The following SGCD variants were observed in gnomAD, a reference collection of about 807,000 sequenced individuals.
SGCD encodes sarcoglycan delta, also known as delta-sarcoglycan.
Under a neutral mutation model 36.6 loss-of-function variants are expected in SGCD, and 18 were observed. The observed-to-expected ratio is 0.49, with a 90% CI of 0.34 to 0.73. SGCD has a LOEUF of 0.73. Among genes scored for constraint, SGCD ranks in the 30% least tolerant of loss-of-function variants. The pLI, the probability that SGCD is intolerant of heterozygous loss-of-function variation, is 0.01. For synonymous variants in SGCD, 133 were observed against 130.6 expected (o/e 1.02, Z -0.12); for missense variants, 387 against 346.7 (o/e 1.12, Z -0.92).
At chr5:156,323,358 T>C (rs7737367), upstream of SGCD, among the ~76,000 whole-genome samples, 122,536 of 152,160 alleles carry the variant, frequency 0.81, 49,977 homozygotes, top group African/African-American at 0.94. Context: ...AAAAAGCCAA[T>C]CAGGTGACAA....
At chr5:155,886,343 T>A (rs1300309286) in intron 1 of SGCD, among the ~76,000 whole-genome samples, 1 of 152,026 alleles carries the variant, frequency 6.6e-6, no homozygotes, top group African/African-American at 2.4e-5. Context: ...CTCAAAATGG[T>A]GTGATCAGCT....
chr5:156,725,322 G>C (rs1002855317), intron 7 of SGCD, among the ~76,000 whole-genome samples: 2 of 152,186 alleles, frequency 1.3e-5, no homozygotes, highest in African/African-American at 4.8e-5. Context: ...AGGAAGGTTG[G>C]GCCAGGGCCT....
intron 3 of SGCD, among the ~76,000 whole-genome samples, chr5:156,126,775 A>G (rs1238576308): frequency 6.6e-6 from 1 of 152,240 alleles, no homozygotes; most frequent in African/African-American, 2.4e-5. Flanking sequence ...AAGCTCCTGT[A>G]TGAACATTAG....
At chr5:156,025,464 A>C (rs910886761) in intron 1 of SGCD, among the ~76,000 whole-genome samples, 1 of 152,216 alleles carries the variant, frequency 6.6e-6, no homozygotes, top group Non-Finnish European at 1.5e-5. Flanking sequence ...TGTTTGCCAG[A>C]CTTTGTTGGA....
intron 1 of SGCD, among the ~76,000 whole-genome samples, chr5:155,900,848 C>T (rs1298788193): frequency 6.6e-6 from 1 of 151,620 alleles, no homozygotes. Context: ...AATAAAAAAA[C>T]AACATAATAT....
Position 156,521,140 on chromosome 5 carries a change from G to A in SGCD, c.294+12438G>A, listed in dbSNP as rs181043154. 2.6e-5 allele frequency among the ~76,000 whole-genome samples: 4 copies of A among 152,076 alleles called. No individual in the cohort carries two copies. In the East Asian group the frequency reaches 5.8e-4, roughly 22 times the overall value. On this transcript the variant is annotated intron_variant, in intron 4 of 8. Transcript: ENST00000337851. The stretch of plus-strand genomic sequence containing the variant: ...TAATAAAACGGGAGCTGACAGAACT[G>A]GCTAGCCATATGCAGAAAATTGAAA...
chr5:156,447,063 C>T (rs78724643), intron 3 of SGCD, among the ~76,000 whole-genome samples: 2,096 of 152,244 alleles, frequency 0.014, 22 homozygotes, highest in Non-Finnish European at 0.023. Flanking sequence ...CAGATCTAGA[C>T]AGGATTCTAA....
the SGCD span, among the ~76,000 whole-genome samples, chr5:155,808,523 T>C: frequency 2.6e-5 from 4 of 152,226 alleles, no homozygotes; most frequent in Non-Finnish European, 5.9e-5. Flanking sequence ...CTCTGTCCCG[T>C]ATTTTTTCCC....
At chr5:155,928,430 G>A (rs996825375) in intron 1 of SGCD, among the ~76,000 whole-genome samples, 1 of 152,054 alleles carries the variant, frequency 6.6e-6, no homozygotes, top group Non-Finnish European at 1.5e-5. Context: ...CACTTTGGGA[G>A]GCCAGGGTGG....
chr5:156,119,911 A>G (rs141970287), intron 2 of SGCD, among the ~76,000 whole-genome samples: 4 of 152,280 alleles, frequency 2.6e-5, no homozygotes, highest in Admixed American at 1.3e-4. Flanking sequence ...AGATTCCCTG[A>G]AGCGTTCAAG....
intron 7 of SGCD, among the ~76,000 whole-genome samples, chr5:156,728,177 T>C (rs992321425): frequency 2.6e-5 from 4 of 152,148 alleles, no homozygotes; most frequent in African/African-American, 9.7e-5. Flanking sequence ...CTGAAACCCA[T>C]GGTAGCATTG....
intron 1 of SGCD, among the ~76,000 whole-genome samples, chr5:156,112,312 TATG>T (rs763772816): frequency 2.0e-5 from 3 of 152,224 alleles, no homozygotes; most frequent in Non-Finnish European, 4.4e-5. Flanking sequence ...CAGAGAACTT[TATG>T]ATAAGTGACT....
chr5:156,412,162 G>C (rs1303560508), intron 3 of SGCD, among the ~76,000 whole-genome samples: 2 of 152,150 alleles, frequency 1.3e-5, no homozygotes, highest in Non-Finnish European at 2.9e-5. Flanking sequence ...TGTTAGCCTG[G>C]GTAAGGGTCA....
chr5:156,373,511 T>C (rs1028110344), intron 3 of SGCD, among the ~76,000 whole-genome samples: 3 of 152,218 alleles, frequency 2.0e-5, no homozygotes, highest in Non-Finnish European at 2.9e-5. Context: ...ACATTTTACT[T>C]TGGAAATTCA....
At chr5:155,817,980 T>G in the SGCD span, among the ~76,000 whole-genome samples, 1 of 152,222 alleles carries the variant, frequency 6.6e-6, no homozygotes, top group Non-Finnish European at 1.5e-5. Context: ...AAGGAAAGTT[T>G]CACTGCAGAT....
intron 3 of SGCD, among the ~76,000 whole-genome samples, chr5:156,262,636 C>T (rs1303119204): frequency 6.6e-6 from 1 of 152,022 alleles, no homozygotes; most frequent in Non-Finnish European, 1.5e-5. Flanking sequence ...GCGCTCATCA[C>T]CTGGACAGTA....
At chr5:155,873,160 C>T (rs1042952537) in intron 1 of SGCD, among the ~76,000 whole-genome samples, 1 of 152,144 alleles carries the variant, frequency 6.6e-6, no homozygotes, top group African/African-American at 2.4e-5. Flanking sequence ...CCAGTAGAAT[C>T]CTGAGCCTCA....
At chr5:155,816,905 A>C in the SGCD span, among the ~76,000 whole-genome samples, 1 of 152,220 alleles carries the variant, frequency 6.6e-6, no homozygotes, top group Admixed American at 6.5e-5. Context: ...ATACGTTAAA[A>C]AGTAAATTCT....
At chr5:156,239,578 A>T (rs997293333) in intron 3 of SGCD, among the ~76,000 whole-genome samples, 1 of 152,182 alleles carries the variant, frequency 6.6e-6, no homozygotes, top group Non-Finnish European at 1.5e-5. Flanking sequence ...GATTTTCTAC[A>T]TTACAGAAAA....
Sources: gnomAD v4.1 joint callset for allele counts (sites outside exome capture counted in the v4.1 genomes callset) on GRCh38, gnomAD v4.1.1 for gene constraint, MANE v1.5 for transcripts, NCBI Gene and HGNC (gene_info 2026-07-23, HGNC 2026-07-21) for gene names.